Variants in FAM168A observed in about 807,000 individuals in gnomAD.
FAM168A encodes the protein protein FAM168A.
In FAM168A, 3 loss-of-function variants were observed where a neutral mutation model predicts 28.5. The ratio of observed to expected loss-of-function variants is 0.11; its 90% CI spans 0.05 to 0.27. The LOEUF (loss-of-function observed/expected upper bound fraction) is 0.27. Among genes scored for constraint, FAM168A ranks in the 10% least tolerant of loss-of-function variants. The pLI, the probability that FAM168A is intolerant of heterozygous loss-of-function variation, is 1.00. For missense variants in FAM168A, 222 were observed against 311.5 expected, an observed-to-expected ratio of 0.71 and a Z score of 2.16; for synonymous variants, 122 against 124.2, an observed-to-expected ratio of 0.98 and a Z score of 0.12.
At position 73,442,842 on chromosome 11, in the gene FAM168A, T is replaced by C. The variant is rs866160359; in HGVS notation, c.71-12072A>G. ...ATTTCTTTTCTTTCTTTCTTTCTTT[T>C]TTTTTTTTTTGAGACAGAGTGAGTA... On this transcript the variant is annotated intron_variant, in intron 2 of 7. Coordinates refer to ENST00000356467, the MANE Select transcript of FAM168A (RefSeq NM_015159.3). Among the ~76,000 whole-genome samples the C allele has an allele frequency of 6.4e-5, 9 of 141,618 alleles. No homozygotes were observed. In the South Asian group the frequency reaches 8.8e-4, roughly 14 times the overall value. 92.9% of individuals were successfully genotyped at this position (141,618 alleles called of 152,430 possible). A position where few individuals can be genotyped will look rare whatever the true frequency, so the allele number is the denominator to read the frequency against.
At chr11:73,573,909 C>A (rs1236577941) in intron 1 of FAM168A, among the ~76,000 whole-genome samples, 1 of 152,178 alleles carries the variant, frequency 6.6e-6, no homozygotes, top group Admixed American at 6.5e-5. Context: ...AAGCTATGAG[C>A]GGGACTCTGC....
chr11:73,563,112 G>A (rs1181775498), intron 1 of FAM168A, among the ~76,000 whole-genome samples: 1 of 152,156 alleles, frequency 6.6e-6, no homozygotes, highest in Non-Finnish European at 1.5e-5. Context: ...TCGAAAAATA[G>A]CTTTTCAAGC....
intron 1 of FAM168A, among the ~76,000 whole-genome samples, chr11:73,484,717 T>G (rs1416728278): frequency 1.4e-5 from 2 of 144,888 alleles, no homozygotes; most frequent in Non-Finnish European, 1.5e-5. Flanking sequence ...TATAGATATA[T>G]ATATAGATAT....
At chr11:73,550,688 A>AT (rs1239027131) in intron 1 of FAM168A, among the ~76,000 whole-genome samples, 1 of 151,676 alleles carries the variant, frequency 6.6e-6, no homozygotes, top group Non-Finnish European at 1.5e-5. Context: ...ATAAATAAAT[A>AT]TTTTTTTAAA....
At chr11:73,445,493 T>C (rs558069127) in intron 2 of FAM168A, among the ~76,000 whole-genome samples, 1 of 135,996 alleles carries the variant, frequency 7.4e-6, no homozygotes, top group African/African-American at 2.7e-5. Flanking sequence ...TGGTCTCTCC[T>C]GGCTTCAAGT....
At chr11:73,521,869 G>C (rs1341104137) in intron 1 of FAM168A, among the ~76,000 whole-genome samples, 1 of 152,068 alleles carries the variant, frequency 6.6e-6, no homozygotes, top group African/African-American at 2.4e-5. Context: ...CACACATGAT[G>C]GATGAGTGAC....
chr11:73,588,262 T>C (rs1212946026), intron 1 of FAM168A, among the ~76,000 whole-genome samples: 1 of 152,234 alleles, frequency 6.6e-6, no homozygotes, highest in Non-Finnish European at 1.5e-5. Flanking sequence ...GACTGTCACT[T>C]CAACGAAAAC....
intron 3 of FAM168A, among the ~76,000 whole-genome samples, chr11:73,423,467 C>T (rs2134500742): frequency 6.6e-6 from 1 of 152,304 alleles, no homozygotes; most frequent in Middle Eastern, 3.4e-3. Context: ...CCTCTCTAGA[C>T]TCTCTCATTG....
intron 1 of FAM168A, among the ~76,000 whole-genome samples, chr11:73,470,434 G>A (rs1867797987): frequency 6.6e-6 from 1 of 152,164 alleles, no homozygotes; most frequent in South Asian, 2.1e-4. Context: ...CAGAAAGCAC[G>A]TGCTGGAAGC....
At chr11:73,511,158 G>T (rs1855216569) in intron 1 of FAM168A, among the ~76,000 whole-genome samples, 1 of 151,978 alleles carries the variant, frequency 6.6e-6, no homozygotes, top group African/African-American at 2.4e-5. Flanking sequence ...GCCACATCTT[G>T]GGCCTTCTCA....
At chr11:73,596,654 A>T (rs1257460315) in intron 1 of FAM168A, among the ~76,000 whole-genome samples, 1 of 152,040 alleles carries the variant, frequency 6.6e-6, no homozygotes, top group Admixed American at 6.6e-5. Flanking sequence ...CTGTTCATTT[A>T]AGTATTCCAA....
At chr11:73,553,040 T>C (rs773280006) in intron 1 of FAM168A, among the ~76,000 whole-genome samples, 24 of 152,174 alleles carry the variant, frequency 1.6e-4, no homozygotes, top group Non-Finnish European at 3.5e-4. Context: ...AAGTAGCCAT[T>C]CAATAATATA....
At chr11:73,415,359 G>T (rs1052508703) in intron 4 of FAM168A, among the ~76,000 whole-genome samples, 4 of 152,166 alleles carry the variant, frequency 2.6e-5, no homozygotes, top group African/African-American at 9.7e-5. Flanking sequence ...GCTGTTTGTG[G>T]GGATCTAAGA....
At chr11:73,511,795 T>A (rs1193698100) in intron 1 of FAM168A, among the ~76,000 whole-genome samples, 1 of 152,140 alleles carries the variant, frequency 6.6e-6, no homozygotes, top group Admixed American at 6.5e-5. Flanking sequence ...TGACTAAGGA[T>A]CCCCACACTT....
intron 5 of FAM168A, 99 bp downstream of exon 5, chr11:73,411,295 A>T: frequency 7.4e-7 from 1 of 1,348,486 alleles, no homozygotes. Context: ...GCCACAAACC[A>T]TCCTCTCCTT....
intron 4 of FAM168A, among the ~76,000 whole-genome samples, chr11:73,414,553 C>A (rs1364571273): frequency 6.6e-6 from 1 of 152,190 alleles, no homozygotes; most frequent in Non-Finnish European, 1.5e-5. Flanking sequence ...TCCAAACCCC[C>A]AGCTCTGAGA....
intron 1 of FAM168A, among the ~76,000 whole-genome samples, chr11:73,597,705 C>T (rs908313457): frequency 4.6e-5 from 7 of 151,196 alleles, no homozygotes; most frequent in African/African-American, 1.5e-4. Flanking sequence ...AGTCCTCCTC[C>T]CTTGTCGCCC....
intron 1 of FAM168A, among the ~76,000 whole-genome samples, chr11:73,559,306 C>G (rs940874326): frequency 2.0e-5 from 3 of 152,028 alleles, no homozygotes; most frequent in African/African-American, 7.2e-5. Flanking sequence ...ACTCGGGAGG[C>G]TGAGGCAGGA....
chr11:73,543,653 T>C (rs562369251), intron 1 of FAM168A, among the ~76,000 whole-genome samples: 2 of 152,322 alleles, frequency 1.3e-5, no homozygotes, highest in South Asian at 2.1e-4. Flanking sequence ...TTTCTAGATA[T>C]GCTAACTGAG....
Sources: gnomAD v4.1 joint callset for allele counts (sites outside exome capture counted in the v4.1 genomes callset) on GRCh38, gnomAD v4.1.1 for gene constraint, MANE v1.5 for transcripts, NCBI Gene and HGNC (gene_info 2026-07-23, HGNC 2026-07-21) for gene names.